The following CACNA1A variants were observed in gnomAD, a reference collection of about 807,000 sequenced individuals.
CACNA1A encodes the protein voltage-dependent P/Q-type calcium channel subunit alpha-1A.
Under a neutral mutation model 262.4 loss-of-function variants are expected in CACNA1A, and 57 were observed. The ratio of observed to expected loss-of-function variants is 0.22; its 90% CI spans 0.18 to 0.27. The LOEUF (loss-of-function observed/expected upper bound fraction) is 0.27. Among genes scored for constraint, CACNA1A ranks in the 10% least tolerant of loss-of-function variants. The pLI is 1.00. For synonymous variants in CACNA1A, 1,431 were observed against 1,419.3 expected (o/e 1.01, Z -0.18); for missense variants, 2,526 against 3,562.8 (o/e 0.71, Z 7.41).
chr19:13,213,140 C>T (rs1169390146), intron 40 of CACNA1A, among the ~76,000 whole-genome samples: 1 of 152,186 alleles, frequency 6.6e-6, no homozygotes, highest in Admixed American at 6.6e-5. Context: ...TCCCATGGCC[C>T]TGAAGGATCT....
chr19:13,322,465 C>A (rs546485356), intron 10 of CACNA1A, among the ~76,000 whole-genome samples: 31 of 152,218 alleles, frequency 2.0e-4, no homozygotes, highest in African/African-American at 6.7e-4. Flanking sequence ...TGTTTTAAGC[C>A]ACTGGGTTTG....
At chr19:13,421,426 G>T (rs1252707224) in intron 3 of CACNA1A, among the ~76,000 whole-genome samples, 1 of 152,026 alleles carries the variant, frequency 6.6e-6, no homozygotes, top group East Asian at 1.9e-4. Flanking sequence ...TCTAAGGGAA[G>T]GAAAGCAGAT....
At chr19:13,490,740 G>GA (rs1568700909) in intron 1 of CACNA1A, among the ~76,000 whole-genome samples, 72 of 128,368 alleles carry the variant, frequency 5.6e-4, no homozygotes, top group East Asian at 1.9e-3. Flanking sequence ...AAAGAGAAAA[G>GA]AAAGAAAGAA....
At chr19:13,242,482 GAC>G (rs1392168501) in intron 31 of CACNA1A, among the ~76,000 whole-genome samples, 1 of 152,048 alleles carries the variant, frequency 6.6e-6, no homozygotes, top group African/African-American at 2.4e-5. Context: ...TTTTAGTAGG[GAC>G]AGAGTTTCAC....
chr19:13,249,505 G>A (rs1035891481), intron 30 of CACNA1A, among the ~76,000 whole-genome samples: 3 of 152,044 alleles, frequency 2.0e-5, no homozygotes, highest in South Asian at 2.1e-4. Context: ...GCAGGTGCAC[G>A]CCACCACACC....
At chr19:13,279,588 C>G (rs973464650) in intron 22 of CACNA1A, among the ~76,000 whole-genome samples, 18 of 152,114 alleles carry the variant, frequency 1.2e-4, no homozygotes, top group East Asian at 5.8e-4. Flanking sequence ...CGGGTTCAAG[C>G]AATTCTTCTG....
rs370586411 is a variant in CACNA1A at position 13,308,290 on chromosome 19, G to T, written c.1782-39C>A. On this transcript the variant is annotated intron_variant, in intron 13 of 46. Coordinates refer to ENST00000360228, the MANE Select transcript of CACNA1A (RefSeq NM_001127222.2). This position sits in a 1 kb window ranked among gnomAD's most constrained non-coding sequence, Gnocchi z 4.2. ...CCAGGCGAGGACTCAGGCCAGGCGG[G>T]GGAGGCAGGGCCCCGGAGTCAGCCC... 1 of 1,594,976 alleles carries T rather than the reference G, an allele frequency of 6.3e-7. No individual in the cohort carries two copies. Among genetic ancestry groups the T allele is most frequent in the Non-Finnish European group, 8.6e-7 (1 of 1,168,676 alleles).
intron 19 of CACNA1A, among the ~76,000 whole-genome samples, chr19:13,294,068 T>A (rs1428214769): frequency 6.6e-6 from 1 of 152,050 alleles, no homozygotes; most frequent in African/African-American, 2.4e-5. Flanking sequence ...ATAATAACAG[T>A]AATATTAGTA....
At chr19:13,303,381 AG>A (rs2057828119) in intron 17 of CACNA1A, among the ~76,000 whole-genome samples, 164 bp downstream of exon 17, 1 of 151,798 alleles carries the variant, frequency 6.6e-6, no homozygotes, top group Non-Finnish European at 1.5e-5. Flanking sequence ...TGTTTCTGGG[AG>A]TGGGGGGAGA....
chr19:13,253,771 ACT>A (rs1313086199), intron 29 of CACNA1A, among the ~76,000 whole-genome samples: 1 of 149,792 alleles, frequency 6.7e-6, no homozygotes, highest in Non-Finnish European at 1.5e-5. Flanking sequence ...ACGGAGTCTC[ACT>A]CTGTTACCCA....
intron 22 of CACNA1A, among the ~76,000 whole-genome samples, chr19:13,279,614 G>A (rs6511855): frequency 0.72 from 108,583 of 151,822 alleles, 39,258 homozygotes; most frequent in East Asian, 0.97. Flanking sequence ...GCCTCCAAGT[G>A]TCTGGGATTA....
Position 13,499,452 on chromosome 19 carries a change from G to T in CACNA1A, c.293+6480C>A, listed in dbSNP as rs1420378847. On this transcript the variant is annotated intron_variant, in intron 1 of 46. Transcript: ENST00000360228. ...CACTGACCAGTCGCAGGGGGTGGTG[G>T]GGGGGGGCACTTCGCTCCCATTCCC... Among the ~76,000 whole-genome samples, 23 of 118,990 alleles carry T rather than the reference G, an allele frequency of 1.9e-4. 1 individual carries two copies. The highest frequency in any genetic ancestry group is 3.7e-4 in the South Asian group (1 of 2,712). 78.1% of individuals were successfully genotyped at this position (118,990 alleles called of 152,430 possible). A position where few individuals can be genotyped will look rare whatever the true frequency, so the allele number is the denominator to read the frequency against.
At chr19:13,449,614 A>G (rs189497006) in intron 3 of CACNA1A, among the ~76,000 whole-genome samples, 1 of 152,294 alleles carries the variant, frequency 6.6e-6, no homozygotes, top group Admixed American at 6.5e-5. Context: ...CCCAGCCCAC[A>G]TATTTCTTAT....
At chr19:13,302,262 C>G (rs2057802624) in intron 17 of CACNA1A, among the ~76,000 whole-genome samples, 1 of 152,218 alleles carries the variant, frequency 6.6e-6, no homozygotes, top group Non-Finnish European at 1.5e-5. Context: ...TTATCACCAA[C>G]TGACAAGCTA....
At chr19:13,441,346 T>TA (rs36026519) in intron 3 of CACNA1A, among the ~76,000 whole-genome samples, 3,063 of 152,054 alleles carry the variant, frequency 0.02, 52 homozygotes, top group Middle Eastern at 0.041. Flanking sequence ...AAGCAATGTT[T>TA]AAAAAAAATT....
rs532773237 is a variant in CACNA1A, at chr19:13,393,417, CTGTT to C, written c.540-21642_540-21639del. Among the ~76,000 whole-genome samples, 32 of 152,276 alleles carry C rather than the reference CTGTT, an allele frequency of 2.1e-4. No homozygotes were observed. The Middle Eastern group carries it at 0.01, about 49-fold the overall frequency. On this transcript the variant is annotated intron_variant, in intron 3 of 46. Transcript: ENST00000360228. ...CAAAAACAAGCAAAACTAATCTAGA[CTGTT>C]TGAAGTCAGGATGGAGTTACTGGTG... is the stretch of plus-strand genomic sequence containing the variant.
At chr19:13,377,116 T>C (rs1266687875) in intron 3 of CACNA1A, among the ~76,000 whole-genome samples, 1 of 151,892 alleles carries the variant, frequency 6.6e-6, no homozygotes, top group African/African-American at 2.4e-5. Flanking sequence ...CCTGCTACCA[T>C]GCCTGGCTAA....
chr19:13,326,834 C>T (rs1015324752), intron 10 of CACNA1A, among the ~76,000 whole-genome samples: 9 of 149,542 alleles, frequency 6.0e-5, no homozygotes, highest in East Asian at 2.0e-4. Flanking sequence ...ATAATGTGAA[C>T]GTGAACGCAA....
intron 3 of CACNA1A, among the ~76,000 whole-genome samples, chr19:13,373,496 A>C (rs1286805258): frequency 6.6e-6 from 1 of 152,144 alleles, no homozygotes; most frequent in Non-Finnish European, 1.5e-5. Context: ...TCAATACCGC[A>C]GCTCCCTCAC....
Sources: allele counts gnomAD v4.1 joint callset (sites outside exome capture counted in the v4.1 genomes callset), GRCh38; gene constraint gnomAD v4.1.1; non-coding constraint Gnocchi (gnomAD v3.1); transcripts MANE v1.5; gene names NCBI Gene and HGNC (gene_info 2026-07-23, HGNC 2026-07-21).